BCL7C: variants seen among roughly 807,000 people sequenced by gnomAD.
BCL7C encodes B-cell CLL/lymphoma 7 protein family member C.
Under a neutral mutation model 26.2 loss-of-function variants are expected in BCL7C, and 8 were observed. That is an observed-to-expected ratio of 0.30 (90% CI 0.18 to 0.55). The LOEUF is 0.55. BCL7C is among the 20% of genes least tolerant of loss of function. The pLI, the probability that BCL7C is intolerant of heterozygous loss-of-function variation, is 0.93. For synonymous variants in BCL7C, 90 were observed against 116.5 expected, an observed-to-expected ratio of 0.77 and a Z score of 1.47; for missense variants, 262 against 298.5, an observed-to-expected ratio of 0.88 and a Z score of 0.90.
At chr16:30,852,304 C>T (rs1483786313) in intron 5 of BCL7C, 1 of 152,016 alleles carries the variant, frequency 6.6e-6, no homozygotes, top group Non-Finnish European at 1.5e-5. Flanking sequence ...TGCTTTTTGT[C>T]TAACATCATT....
intron 5 of BCL7C, among the ~76,000 whole-genome samples, chr16:30,846,318 T>C (rs1305815519): frequency 6.6e-6 from 1 of 150,974 alleles, no homozygotes; most frequent in Non-Finnish European, 1.5e-5. Context: ...CTCCGCCTTC[T>C]GGGTTTAAGA....
chr16:30,883,750 C>T (rs1425043916), downstream of BCL7C, among the ~76,000 whole-genome samples: 1 of 147,724 alleles, frequency 6.8e-6, no homozygotes, highest in Non-Finnish European at 1.5e-5. Context: ...CTCCTGACCT[C>T]AAGTGATCCG....
At chr16:30,885,996 C>G (rs1056897074), downstream of BCL7C, among the ~76,000 whole-genome samples, 1 of 152,080 alleles carries the variant, frequency 6.6e-6, no homozygotes, top group Non-Finnish European at 1.5e-5. Flanking sequence ...GGACTACAGG[C>G]GCGCACCAGT....
In BCL7C at chr16:30,861,964, T is replaced by C. The variant is rs112058429; in HGVS notation, c.529-26816A>G. Among the ~76,000 whole-genome samples the C allele has an allele frequency of 3.9e-3, 577 of 148,820 alleles. 8 individuals are homozygous for C. Among genetic ancestry groups the C allele is most frequent in the African/African-American group, 0.014 (547 of 40,266 alleles). ...ATGCAAGCTCCGCCTCCTGGGTTCA[T>C]GCCATTCTCCTGCCTCAGCCTCCCA... On this transcript the variant is annotated intron_variant, in intron 5 of 5. Coordinates refer to the BCL7C transcript ENST00000380317.
At chr16:30,888,637 G>T (rs778433848) in intron 5 of BCL7C, 3 of 394,098 alleles carry the variant, frequency 7.6e-6, no homozygotes, top group African/African-American at 6.2e-5. Context: ...GCCCAGCTTT[G>T]TCAGGCTTTT....
chr16:30,888,815 C>G (rs778873411), intron 5 of BCL7C, 45 bp downstream of exon 5: 1 of 1,585,178 alleles, frequency 6.3e-7, no homozygotes, highest in Non-Finnish European at 8.7e-7. Flanking sequence ...CCAGATCCCC[C>G]ATTCCCTCCA....
In BCL7C at chr16:30,893,415, A is replaced by G; in HGVS notation, c.93-125T>C. 2 of 681,872 alleles carry G rather than the reference A, an allele frequency of 2.9e-6. No homozygotes were observed. The highest frequency in any genetic ancestry group is 2.8e-5 in the East Asian group (1 of 36,196). The allele number at this position is 681,872 out of a possible 1,614,324, so 42.2% of individuals were successfully genotyped here. A position where few individuals can be genotyped will look rare whatever the true frequency, so the allele number is the denominator to read the frequency against. On this transcript the variant is annotated intron_variant, in intron 1 of 5. Coordinates refer to ENST00000215115, the MANE Select transcript of BCL7C (RefSeq NM_004765.4). This position sits in a 1 kb window ranked among gnomAD's most constrained non-coding sequence, Gnocchi z 5.2. The stretch of plus-strand genomic sequence containing the variant: ...ACAGGAGGATAGCAACAGTTTTGCT[A>G]ATGGGGCATAGTTACATGGAGGAAG...
At chr16:30,838,401 C>T (rs571422487) in intron 5 of BCL7C, among the ~76,000 whole-genome samples, 2 of 152,264 alleles carry the variant, frequency 1.3e-5, no homozygotes, top group Non-Finnish European at 2.9e-5. Context: ...CACTGAGTAA[C>T]GTTAGTGGCT....
intron 5 of BCL7C, among the ~76,000 whole-genome samples, chr16:30,888,307 T>C (rs1263767901): frequency 6.6e-6 from 1 of 152,196 alleles, no homozygotes; most frequent in African/African-American, 2.4e-5. Context: ...TGAAAATGCA[T>C]GGAGGAGCGC....
At chr16:30,835,121 C>T in exon 6 of BCL7C, 3 of 1,524,938 alleles carry the variant, frequency 2.0e-6, no homozygotes, top group Non-Finnish European at 2.7e-6. Flanking sequence ...TCGTGAAGGG[C>T]TCTCCTCGTC....
intron 5 of BCL7C, among the ~76,000 whole-genome samples, chr16:30,839,438 G>A (rs971763537): frequency 7.2e-5 from 11 of 152,222 alleles, no homozygotes; most frequent in Admixed American, 1.3e-4. Context: ...AGGTGCTGCT[G>A]TGAAAGGATT....
downstream of BCL7C, chr16:30,887,732 A>G: frequency 4.3e-6 from 6 of 1,396,860 alleles, no homozygotes; most frequent in Non-Finnish European, 3.8e-6. Context: ...GCAATGGTGC[A>G]TGAGACAAAA....
At position 30,887,815 on chromosome 16, in the gene BCL7C, G is replaced by T. The variant is rs2055157397; in HGVS notation, c.*50C>A. On this transcript the variant is annotated 3_prime_UTR_variant, in exon 6 of 6. Coordinates refer to ENST00000215115, the MANE Select transcript of BCL7C (RefSeq NM_004765.4). ...CAAAATTACAAAAGGGTCTTTATTT[G>T]TAAAAAGCCAAAGGGGCCCCTGGGG... 2.0e-6 allele frequency: 3 copies of T among 1,533,120 alleles called. No homozygotes were observed. Among genetic ancestry groups the T allele is most frequent in the African/African-American group, 1.4e-5 (1 of 69,822 alleles). 95.0% of individuals were successfully genotyped at this position (1,533,120 alleles called of 1,614,324 possible).
intron 4 of BCL7C, among the ~76,000 whole-genome samples, chr16:30,890,196 C>G (rs940965431): frequency 1.3e-5 from 2 of 151,160 alleles, no homozygotes; most frequent in Non-Finnish European, 2.9e-5. Flanking sequence ...GAGTTCAAGA[C>G]CATCCTGACC....
chr16:30,836,840 C>A (rs561841042), intron 5 of BCL7C, among the ~76,000 whole-genome samples: 6 of 151,098 alleles, frequency 4.0e-5, no homozygotes, highest in African/African-American at 1.5e-4. Flanking sequence ...GTCACCCAGG[C>A]TGGAGTGCAA....
chr16:30,863,594 A>C (rs867138774), intron 5 of BCL7C, among the ~76,000 whole-genome samples: 12 of 152,194 alleles, frequency 7.9e-5, no homozygotes, highest in Admixed American at 2.0e-4. Context: ...GTAGCTAAAG[A>C]AGCAGCTAGT....
chr16:30,841,940 C>T lies in BCL7C; in HGVS notation c.529-6792G>A, dbSNP rs150249056. 3.3e-3 allele frequency among the ~76,000 whole-genome samples: 382 copies of T among 117,300 alleles called. 2 individuals are homozygous for T. Among genetic ancestry groups the T allele is most frequent in the African/African-American group, 0.012 (357 of 29,792 alleles). 77.0% of individuals were successfully genotyped at this position (117,300 alleles called of 152,430 possible). On this transcript the variant is annotated intron_variant, in intron 5 of 5. Coordinates refer to the BCL7C transcript ENST00000380317. ...ACTGCACTCCAGCCTGGGCCAAATG[C>T]GAGACTCCATCTCAAAAAAAAAAAA...
At chr16:30,873,331 CAG>C (rs372940098) in intron 5 of BCL7C, among the ~76,000 whole-genome samples, 64 of 152,198 alleles carry the variant, frequency 4.2e-4, no homozygotes, top group African/African-American at 1.5e-3. Context: ...TCTATAGAGA[CAG>C]AAAGTAGATT....
intron 5 of BCL7C, among the ~76,000 whole-genome samples, chr16:30,880,427 C>T (rs955416795): frequency 6.7e-6 from 1 of 149,962 alleles, no homozygotes; most frequent in African/African-American, 2.5e-5. Flanking sequence ...AGGCTGGGCG[C>T]GGTGGCTCAT....
Sources: allele counts gnomAD v4.1 joint callset (sites outside exome capture counted in the v4.1 genomes callset), GRCh38; gene constraint gnomAD v4.1.1; non-coding constraint Gnocchi (gnomAD v3.1); transcripts MANE v1.5; gene names NCBI Gene and HGNC (gene_info 2026-07-23, HGNC 2026-07-21).